Variants in CLUL1 observed in about 807,000 individuals in gnomAD.
CLUL1 encodes clusterin-like protein 1.
Under a neutral mutation model 49.4 loss-of-function variants are expected in CLUL1, and 43 were observed. That is an observed-to-expected ratio of 0.87 (90% CI 0.68 to 1.12). The LOEUF is 1.12. Among genes scored for constraint, CLUL1 ranks in the 50% most tolerant of loss-of-function variants. The probability of loss-of-function intolerance (pLI) is 0.00; values close to 1 mark genes in which losing one functional copy is unlikely to be tolerated. For missense variants in CLUL1, 486 were observed against 544.4 expected, an observed-to-expected ratio of 0.89 and a Z score of 1.07; for synonymous variants, 192 against 184.9, an observed-to-expected ratio of 1.04 and a Z score of -0.31.
In CLUL1 at chr18:646,053, G is replaced by A. The variant is rs78546781; in HGVS notation, c.1397+956G>A. On this transcript the variant is annotated intron_variant, in intron 9 of 9. Coordinates refer to ENST00000692774, the MANE Select transcript of CLUL1 (RefSeq NM_001393344.1). ...TGATTTTTCAGAAAAAGATCCTGAG[G>A]CTCAGTGTCCAAGGTCCAATGAACT... Among the ~76,000 whole-genome samples the A allele has an allele frequency of 2.1e-4, 32 of 151,474 alleles. No homozygotes were observed. The East Asian group carries it at 6.2e-3, about 29-fold the overall frequency.
chr18:637,805 T>C (rs62090088), intron 7 of CLUL1, among the ~76,000 whole-genome samples: 30,093 of 151,686 alleles, frequency 0.2, 3,391 homozygotes, highest in East Asian at 0.48. Flanking sequence ...CGAAACCCCG[T>C]TCTACTAAAA....
intron 6 of CLUL1, among the ~76,000 whole-genome samples, chr18:630,047 A>G (rs993210380): frequency 4.6e-5 from 7 of 152,146 alleles, no homozygotes; most frequent in Non-Finnish European, 1.0e-4. Flanking sequence ...AATTTATGTT[A>G]TGTGGCAAAG....
chr18:647,473 G>A (rs1376731124), intron 9 of CLUL1, among the ~76,000 whole-genome samples: 1 of 152,176 alleles, frequency 6.6e-6, no homozygotes, highest in Non-Finnish European at 1.5e-5. Flanking sequence ...AGGCAGAAAC[G>A]GGTCAGGTCT....
At chr18:644,164 T>C (rs968329983) in intron 8 of CLUL1, among the ~76,000 whole-genome samples, 10 of 152,338 alleles carry the variant, frequency 6.6e-5, no homozygotes, top group Non-Finnish European at 1.2e-4. Context: ...CAAACATAAA[T>C]ACTTTATGCA....
At chr18:630,690 T>C (rs2144100181) in intron 6 of CLUL1, among the ~76,000 whole-genome samples, 2 of 125,432 alleles carry the variant, frequency 1.6e-5, no homozygotes, top group African/African-American at 6.2e-5. Context: ...TTTTTTTTTT[T>C]TTTTTTTTTT....
intron 2 of CLUL1, among the ~76,000 whole-genome samples, chr18:617,595 CAAAAAAA>C (rs11422881): frequency 4.9e-5 from 4 of 82,044 alleles, no homozygotes; most frequent in East Asian, 3.5e-4. Context: ...AACTCCGTCT[CAAAAAAA>C]AAAAAAAAAA....
Position 627,220 on chromosome 18 carries a change from G to T in CLUL1, c.547G>T (p.Val183Leu), listed in dbSNP as rs751902299. The T allele has an allele frequency of 1.2e-6, 2 of 1,613,844 alleles. No individual in the cohort carries two copies. The highest frequency in any genetic ancestry group is 1.7e-6 in the Non-Finnish European group (2 of 1,179,990). Residue 183 changes from valine (V) to leucine (L), a missense_variant, in exon 6 of 10, where the codon GTG (valine) becomes TTG (leucine). Transcript: ENST00000692774. The part of the protein sequence containing the change: ...EDAQLTQMED[V>L]FSQLTVDVNS... ...TGCACAATTGACCCAAATGGAGGAT[G>T]TGTTCAGCCAGTTGACTGTGGATGT...
rs1567967162 is a variant in CLUL1, at chr18:626,994, GGAAGGAAGGAAGGAAAGAAAGAAA to G, written c.424-99_424-76del. 5 of 1,760 alleles carry G rather than the reference GGAAGGAAGGAAGGAAAGAAAGAAA, an allele frequency of 2.8e-3. 1 individual carries two copies. Among genetic ancestry groups the G allele is most frequent in the Non-Finnish European group, 0.016 (2 of 128 alleles). 0.1% of individuals were successfully genotyped at this position (1,760 alleles called of 1,614,324 possible). A position where few individuals can be genotyped will look rare whatever the true frequency, so the allele number is the denominator to read the frequency against. ...AGGAAGGAAGGAAGGAAGGAAGGAAGGAAGGAAGGAAGGAAAGAAAGAAAGAAAGAAAGAAAAGAAAGAAAGAGT... is the reference window on the plus strand; with the variant it reads ...AGGAAGGAAGGAAGGAAGGAAGGAAGGAAAGAAAGAAAAGAAAGAAAGAGT... On this transcript the variant is annotated intron_variant, in intron 5 of 9. Coordinates refer to ENST00000692774, the MANE Select transcript of CLUL1 (RefSeq NM_001393344.1).
Position 628,926 on chromosome 18 carries a change from C to T in CLUL1, c.856+1397C>T, listed in dbSNP as rs1039013786. Among the ~76,000 whole-genome samples, 7 of 148,260 alleles carry T rather than the reference C, an allele frequency of 4.7e-5. No homozygotes were observed. The South Asian group carries it at 6.3e-4, about 13-fold the overall frequency. On this transcript the variant is annotated intron_variant, in intron 6 of 9. Coordinates refer to ENST00000692774, the MANE Select transcript of CLUL1 (RefSeq NM_001393344.1). ...GGAATTACAAGCATGAGCCACCACA[C>T]CCAGCCAGCCACCACACCCAGCCAG... is the stretch of plus-strand genomic sequence containing the variant.
intron 8 of CLUL1, 130 bp downstream of exon 8, chr18:641,671 T>A: frequency 1.3e-6 from 1 of 753,832 alleles, no homozygotes; most frequent in Non-Finnish European, 2.2e-6. Flanking sequence ...CCATTGTGAT[T>A]GCCTTCAGGC....
intron 8 of CLUL1, among the ~76,000 whole-genome samples, chr18:642,225 G>A (rs1226229631): frequency 2.0e-5 from 3 of 152,178 alleles, no homozygotes; most frequent in Non-Finnish European, 4.4e-5. Flanking sequence ...GAGGTCAGGA[G>A]TTTGAGACCA....
At chr18:619,058 T>C (rs1239376204) in intron 3 of CLUL1, among the ~76,000 whole-genome samples, 155 bp from the exon 4 acceptor site, 1 of 152,202 alleles carries the variant, frequency 6.6e-6, no homozygotes, top group Non-Finnish European at 1.5e-5. Flanking sequence ...TGGGTCCATG[T>C]GGCAGCTGAC....
At chr18:625,557 A>ACACC (rs1461166682) in intron 5 of CLUL1, among the ~76,000 whole-genome samples, 1 of 121,180 alleles carries the variant, frequency 8.3e-6, no homozygotes, top group African/African-American at 2.7e-5. Context: ...ACACACACAC[A>ACACC]CACCCCTTCA....
At position 636,604 on chromosome 18, in the gene CLUL1, C is replaced by T. The variant is rs566879661; in HGVS notation, c.994+3169C>T. ...AGTGGTTAGTAAACCTGTTTAGAGTCGACAACACTCCCTTTCTCTCTTTTT... is the reference window on the plus strand; with the variant it reads ...AGTGGTTAGTAAACCTGTTTAGAGTTGACAACACTCCCTTTCTCTCTTTTT... On this transcript the variant is annotated intron_variant, in intron 7 of 9. Transcript: ENST00000692774. 2.7e-5 allele frequency among the ~76,000 whole-genome samples: 4 copies of T among 148,786 alleles called. No individual in the cohort carries two copies. The South Asian group carries it at 8.5e-4, about 32-fold the overall frequency.
chr18:619,491 GA>G (rs2073421086), intron 4 of CLUL1, 130 bp downstream of exon 4: 2 of 914,116 alleles, frequency 2.2e-6, no homozygotes, highest in East Asian at 5.8e-5. Context: ...TTTATTTGAG[GA>G]AAAGTTTAAG....
At chr18:626,876 A>G (rs1305773251) in intron 5 of CLUL1, among the ~76,000 whole-genome samples, 2 of 204 alleles carry the variant, frequency 9.8e-3, no homozygotes, top group Admixed American at 0.1. Context: ...AGAAAGAAAG[A>G]AAGAAAGAAA....
In CLUL1 at chr18:607,064, C is replaced by T; in HGVS notation, c.-49C>T. The T allele has an allele frequency of 1.4e-6, 1 of 701,978 alleles. No homozygotes were observed. Among genetic ancestry groups the T allele is most frequent in the Non-Finnish European group, 2.6e-6 (1 of 384,708 alleles). The allele number at this position is 701,978 out of a possible 1,614,324, so 43.5% of individuals were successfully genotyped here. On this transcript the variant is annotated 5_prime_UTR_variant, in exon 2 of 10. Transcript: ENST00000692774. ...CTCAAATTCCTGGGTTCAAGTGACC[C>T]TCCTACCTCAGCCCCATGAGGACCT...
At chr18:645,791 T>C (rs1385971446) in intron 9 of CLUL1, among the ~76,000 whole-genome samples, 1 of 11,434 alleles carries the variant, frequency 8.7e-5, no homozygotes, top group Non-Finnish European at 1.4e-4. Context: ...GAGACTCTGT[T>C]TAAAAAAAAA....
intron 1 of CLUL1, among the ~76,000 whole-genome samples, chr18:605,668 T>A (rs1389512103): frequency 6.6e-6 from 1 of 152,022 alleles, no homozygotes; most frequent in Non-Finnish European, 1.5e-5. Flanking sequence ...GTATAGTGGT[T>A]TTTTTGTTGT....
Sources: gnomAD v4.1 joint callset for allele counts (sites outside exome capture counted in the v4.1 genomes callset) on GRCh38, gnomAD v4.1.1 for gene constraint, MANE v1.5 for transcripts, NCBI Gene and HGNC (gene_info 2026-07-23, HGNC 2026-07-21) for gene names.